Variants in ATP5F1C observed in about 807,000 individuals in gnomAD.
The protein encoded by ATP5F1C is ATP synthase F(1) complex subunit gamma, mitochondrial.
A neutral mutation model predicts 37.4 loss-of-function variants in ATP5F1C; 22 were observed. The observed-to-expected ratio is 0.59, with a 90% confidence interval of 0.42 to 0.84. The LOEUF (loss-of-function observed/expected upper bound fraction) is 0.84. Ranked by LOEUF, ATP5F1C falls within the 40% of genes least tolerant of loss-of-function variation. ATP5F1C has a pLI of 0.00. For missense variants in ATP5F1C, 286 were observed against 362.4 expected, an observed-to-expected ratio of 0.79 and a Z score of 1.71; for synonymous variants, 121 against 128.0, an observed-to-expected ratio of 0.95 and a Z score of 0.37.
At chr10:7,807,053 C>T (rs370519736) in intron 9 of ATP5F1C, 43 bp downstream of exon 9, 1 of 1,546,276 alleles carries the variant, frequency 6.5e-7, no homozygotes, top group Non-Finnish European at 8.9e-7. Flanking sequence ...AGAAAAGAAA[C>T]CTATTCAGAT....
At chr10:7,806,028 G>A (rs1319979599) in intron 8 of ATP5F1C, among the ~76,000 whole-genome samples, 1 of 152,188 alleles carries the variant, frequency 6.6e-6, no homozygotes, top group Non-Finnish European at 1.5e-5. Context: ...TTAGGCTGCG[G>A]TGAGCTATGA....
chr10:7,789,387 T>C (rs1047069487), intron 1 of ATP5F1C, among the ~76,000 whole-genome samples: 7 of 152,246 alleles, frequency 4.6e-5, no homozygotes, highest in South Asian at 2.1e-4. Flanking sequence ...TTCAGAATGA[T>C]ATCTGATGTG....
intron 6 of ATP5F1C, 147 bp from the exon 7 acceptor site, chr10:7,802,123 T>C: frequency 1.3e-6 from 1 of 798,820 alleles, no homozygotes; most frequent in Non-Finnish European, 1.9e-6. Flanking sequence ...TGGAAATAGA[T>C]GACATTATTA....
chr10:7,797,496 G>A (rs1836263044), intron 3 of ATP5F1C, among the ~76,000 whole-genome samples: 1 of 152,150 alleles, frequency 6.6e-6, no homozygotes, highest in Admixed American at 6.5e-5. Flanking sequence ...CTGTGTATTT[G>A]TTAGCCATTA....
chr10:7,795,791 A>G (rs913328107), intron 1 of ATP5F1C, among the ~76,000 whole-genome samples: 2 of 152,130 alleles, frequency 1.3e-5, no homozygotes, highest in African/African-American at 4.8e-5. Context: ...GGGCAGCTTA[A>G]CAAGGGGAGG....
At chr10:7,806,404 C>T (rs1836481098) in intron 8 of ATP5F1C, among the ~76,000 whole-genome samples, 1 of 152,188 alleles carries the variant, frequency 6.6e-6, no homozygotes, top group African/African-American at 2.4e-5. Context: ...CCTGTAATCC[C>T]AGCACTTTGG....
intron 8 of ATP5F1C, among the ~76,000 whole-genome samples, chr10:7,803,110 G>C (rs1836402749): frequency 6.6e-6 from 1 of 152,132 alleles, no homozygotes; most frequent in Non-Finnish European, 1.5e-5. Flanking sequence ...GGATAATTCA[G>C]TATCATTTAT....
At chr10:7,799,702 G>C (rs2131068407) in intron 4 of ATP5F1C, 70 bp from the exon 5 acceptor site, 1 of 1,567,508 alleles carries the variant, frequency 6.4e-7, no homozygotes, top group Non-Finnish European at 8.7e-7. Context: ...GTTTTCTCCT[G>C]CCTGTCCCCT....
intron 7 of ATP5F1C, 53 bp downstream of exon 7, chr10:7,802,478 A>G: frequency 6.4e-7 from 1 of 1,565,862 alleles, no homozygotes; most frequent in Non-Finnish European, 8.6e-7. Flanking sequence ...GCACACAGTG[A>G]ATCTCAGCTG....
intron 8 of ATP5F1C, among the ~76,000 whole-genome samples, chr10:7,803,887 A>G (rs1279429225): frequency 5.3e-5 from 8 of 152,168 alleles, no homozygotes; most frequent in African/African-American, 1.2e-4. Flanking sequence ...CCTTCTAACT[A>G]TCTCTTGAAT....
At chr10:7,788,534 G>A (rs765059364) in intron 1 of ATP5F1C, among the ~76,000 whole-genome samples, 15 of 152,244 alleles carry the variant, frequency 9.9e-5, no homozygotes, top group Non-Finnish European at 2.1e-4. Flanking sequence ...TGCGGCCTGA[G>A]TCCAAATTGA....
chr10:7,801,908 T>A (rs954795986), intron 6 of ATP5F1C, among the ~76,000 whole-genome samples: 1 of 152,200 alleles, frequency 6.6e-6, no homozygotes, highest in African/African-American at 2.4e-5. Context: ...ATTATTATTC[T>A]TTTTTACTGG....
chr10:7,802,525 T>A, intron 7 of ATP5F1C, 100 bp downstream of exon 7: 1 of 1,361,266 alleles, frequency 7.3e-7, no homozygotes, highest in Non-Finnish European at 1.0e-6. Context: ...TCAACAACAT[T>A]AACATGATAT....
chr10:7,802,722 C>T, intron 7 of ATP5F1C, 36 bp from the exon 8 acceptor site: 1 of 1,588,006 alleles, frequency 6.3e-7, no homozygotes, highest in South Asian at 1.1e-5. Context: ...ACTCTAGTTT[C>T]AGATTTTTTA....
Position 7,799,046 on chromosome 10 carries a change from A to G in ATP5F1C, c.280A>G (p.Ile94Val), listed in dbSNP as rs1449336878. 3 of 1,612,796 alleles carry G rather than the reference A, an allele frequency of 1.9e-6. No homozygotes were observed. The Admixed American group carries it at 5.0e-5, about 27-fold the overall frequency. Residue 94 changes from isoleucine to valine, a missense_variant, in exon 4 of 10, where the codon ATT becomes GTT. Transcript: ENST00000356708. ...GPEDKKKHLL[I>V]GVSSDRGLCG... ...TGAAGACAAGAAGAAACACCTCCTT[A>G]TTGGTGTGTCCTCAGATCGAGGACT... is the stretch of plus-strand genomic sequence containing the variant.
chr10:7,800,494 T>TTTA, intron 6 of ATP5F1C, among the ~76,000 whole-genome samples: 1 of 124,198 alleles, frequency 8.1e-6, no homozygotes. Flanking sequence ...GCCTTTTATT[T>TTTA]TTTTATTTTT....
chr10:7,797,565 A>T (rs896940855), intron 3 of ATP5F1C, among the ~76,000 whole-genome samples: 20 of 152,330 alleles, frequency 1.3e-4, no homozygotes, highest in African/African-American at 4.8e-4. Flanking sequence ...TAAGTATACC[A>T]TCAGAAGAAC....
intron 1 of ATP5F1C, among the ~76,000 whole-genome samples, chr10:7,794,759 C>T (rs1836212463): frequency 6.6e-6 from 1 of 152,116 alleles, no homozygotes; most frequent in South Asian, 2.1e-4. Flanking sequence ...TTTGCTAATA[C>T]ACTGTTGAGG....
rs926461371 is a variant in ATP5F1C at position 7,798,715 on chromosome 10, G to T, written c.224-275G>T. 2.0e-5 allele frequency among the ~76,000 whole-genome samples: 3 copies of T among 150,924 alleles called. No homozygotes were observed. In the East Asian group the frequency reaches 5.8e-4, roughly 29 times the overall value. On this transcript the variant is annotated intron_variant, in intron 3 of 9. Transcript: ENST00000356708. ...CCAGCCAATTTTTATATTTTTAATA[G>T]AGACGGGATTTCACTACGTTGGCCA...
Sources: allele counts gnomAD v4.1 joint callset (sites outside exome capture counted in the v4.1 genomes callset), GRCh38; gene constraint gnomAD v4.1.1; transcripts MANE v1.5; gene names NCBI Gene and HGNC (gene_info 2026-07-23, HGNC 2026-07-21).